Variants in PKP1 observed in about 807,000 individuals in gnomAD.
PKP1 encodes the protein plakophilin-1.
Under a neutral mutation model 76.4 loss-of-function variants are expected in PKP1, and 27 were observed. The observed-to-expected ratio is 0.35, with a 90% confidence interval of 0.26 to 0.49. The LOEUF (loss-of-function observed/expected upper bound fraction) is 0.49, where lower values mean the gene tolerates loss of function less well. Among genes scored for constraint, PKP1 ranks in the 20% least tolerant of loss-of-function variants. The pLI, the probability that PKP1 is intolerant of heterozygous loss-of-function variation, is 0.99. For synonymous variants in PKP1, 404 were observed against 384.2 expected (o/e 1.05, Z -0.60); for missense variants, 964 against 955.2 (o/e 1.01, Z -0.12).
At chr1:201,286,224 G>C (rs1655731722) in intron 1 of PKP1, among the ~76,000 whole-genome samples, 1 of 152,170 alleles carries the variant, frequency 6.6e-6, no homozygotes, top group African/African-American at 2.4e-5. Flanking sequence ...CATGCCCCAG[G>C]CGTTTTCCCT....
At chr1:201,318,844 TC>T in intron 6 of PKP1, 49 bp downstream of exon 6, 1 of 1,457,476 alleles carries the variant, frequency 6.9e-7, no homozygotes, top group Non-Finnish European at 9.4e-7. Context: ...CTTGGGCCCT[TC>T]CCCAGGCAGC....
intron 2 of PKP1, among the ~76,000 whole-genome samples, chr1:201,310,917 T>A (rs1299350582): frequency 3.3e-5 from 5 of 152,206 alleles, no homozygotes. Context: ...TTGCTGAGAC[T>A]TGGCAAGGCT....
intron 8 of PKP1, among the ~76,000 whole-genome samples, 193 bp downstream of exon 8, chr1:201,322,326 G>A (rs1443297794): frequency 6.6e-6 from 1 of 152,202 alleles, no homozygotes; most frequent in African/African-American, 2.4e-5. Context: ...TCTTGCACAA[G>A]GGGGAATCTG....
intron 13 of PKP1, among the ~76,000 whole-genome samples, chr1:201,329,113 T>C (rs1657234944): frequency 6.6e-6 from 1 of 152,190 alleles, no homozygotes; most frequent in African/African-American, 2.4e-5. Flanking sequence ...GCAGGACTGC[T>C]AGGTACAAAT....
At chr1:201,296,431 G>A (rs1005887010) in intron 2 of PKP1, among the ~76,000 whole-genome samples, 2 of 152,216 alleles carry the variant, frequency 1.3e-5, no homozygotes, top group Non-Finnish European at 2.9e-5. Context: ...AACCAATATG[G>A]CAGCAGAAGG....
At chr1:201,313,598 C>G in intron 3 of PKP1, 38 bp downstream of exon 3, 1 of 1,595,376 alleles carries the variant, frequency 6.3e-7, no homozygotes, top group East Asian at 2.2e-5. Flanking sequence ...GCCAGGAGGG[C>G]CAGTGGGGAG....
At chr1:201,298,956 C>A (rs74136372) in intron 2 of PKP1, among the ~76,000 whole-genome samples, 9,789 of 152,224 alleles carry the variant, frequency 0.064, 1,008 homozygotes, top group African/African-American at 0.22. Context: ...CACACTCCAG[C>A]AGGGGATGGG....
At chr1:201,322,284 G>C (rs1170598847) in intron 8 of PKP1, 151 bp downstream of exon 8, 1 of 791,324 alleles carries the variant, frequency 1.3e-6, no homozygotes, top group East Asian at 2.7e-5. Flanking sequence ...GGGGCTCAGG[G>C]TGCACTCTGG....
chr1:201,288,299 A>G (rs1032051266), intron 1 of PKP1, among the ~76,000 whole-genome samples: 4 of 152,204 alleles, frequency 2.6e-5, no homozygotes, highest in Admixed American at 2.6e-4. Context: ...CTGTTCTGCC[A>G]AAAAGCTCTT....
intron 2 of PKP1, among the ~76,000 whole-genome samples, chr1:201,307,498 C>T (rs780501449): frequency 1.3e-5 from 2 of 152,160 alleles, no homozygotes; most frequent in Admixed American, 6.5e-5. Flanking sequence ...GGAAGATTCT[C>T]GACCGCCTGG....
chr1:201,325,284 A>G (rs1339094858), intron 11 of PKP1, among the ~76,000 whole-genome samples, 157 bp downstream of exon 11: 1 of 152,196 alleles, frequency 6.6e-6, no homozygotes, highest in Non-Finnish European at 1.5e-5. Flanking sequence ...GAGAAGTTCC[A>G]GAAGCCGAGA....
intron 9 of PKP1, 138 bp downstream of exon 9, chr1:201,323,327 G>A (rs1657006925): frequency 5.0e-6 from 4 of 799,800 alleles, no homozygotes; most frequent in Non-Finnish European, 8.4e-6. Context: ...GCATATGCTG[G>A]GCTCTGGGCT....
intron 1 of PKP1, among the ~76,000 whole-genome samples, chr1:201,287,421 G>A (rs779523490): frequency 6.6e-6 from 1 of 152,214 alleles, no homozygotes; most frequent in Non-Finnish European, 1.5e-5. Context: ...CTGCCCGAGT[G>A]TTCTGCTCAT....
intron 12 of PKP1, among the ~76,000 whole-genome samples, chr1:201,328,076 T>C (rs1173513872): frequency 6.6e-6 from 1 of 152,142 alleles, no homozygotes; most frequent in African/African-American, 2.4e-5. Flanking sequence ...CTGGCTTGGC[T>C]CTCAGAGCTC....
At chr1:201,323,657 G>T (rs1043855262) in intron 9 of PKP1, among the ~76,000 whole-genome samples, 5 of 152,202 alleles carry the variant, frequency 3.3e-5, no homozygotes, top group Non-Finnish European at 7.3e-5. Flanking sequence ...AGTGGTATGG[G>T]GCAGAGCCAG....
At chr1:201,319,672 G>GCAT (rs1656877933) in intron 6 of PKP1, 1 of 795,526 alleles carries the variant, frequency 1.3e-6, no homozygotes. Context: ...CATTGCTTGG[G>GCAT]GATGAGCCCA....
chr1:201,286,896 G>C (rs1655755876), intron 1 of PKP1, among the ~76,000 whole-genome samples: 1 of 152,138 alleles, frequency 6.6e-6, no homozygotes, highest in Admixed American at 6.5e-5. Context: ...CCACCTTCCA[G>C]ATCTTTATAA....
chr1:201,299,877 C>G (rs1438196359), intron 2 of PKP1, among the ~76,000 whole-genome samples: 3 of 152,246 alleles, frequency 2.0e-5, no homozygotes, highest in African/African-American at 7.2e-5. Context: ...ATGCCACTTT[C>G]TAGGTGTATG....
chr1:201,293,892 G>A (rs376976284), intron 1 of PKP1, 50 bp from the exon 2 acceptor site: 27 of 1,219,616 alleles, frequency 2.2e-5, no homozygotes, highest in Non-Finnish European at 2.9e-5. Context: ...GAACAGGGGT[G>A]GATGAAGATC....
Sources: allele counts gnomAD v4.1 joint callset (sites outside exome capture counted in the v4.1 genomes callset), GRCh38; gene constraint gnomAD v4.1.1; transcripts MANE v1.5; gene names NCBI Gene and HGNC (gene_info 2026-07-23, HGNC 2026-07-21).